HEXD: variants seen among roughly 807,000 people sequenced by gnomAD.
HEXD encodes the protein N-acetyl-beta-galactosaminidase.
HEXD carries 47 observed loss-of-function variants against 54.2 expected under a neutral mutation model. The observed-to-expected ratio is 0.87, with a 90% CI of 0.69 to 1.11. The LOEUF is 1.11. Ranked by LOEUF, HEXD falls within the 50% of genes least tolerant of loss-of-function variation. The probability of loss-of-function intolerance (pLI) is 0.00; values close to 1 mark genes in which losing one functional copy is unlikely to be tolerated. For missense variants in HEXD, 576 were observed against 649.2 expected (o/e 0.89, Z 1.23); for synonymous variants, 293 against 287.6 (o/e 1.02, Z -0.19).
At chr17:82,428,761 G>T (rs895929069) in intron 4 of HEXD, 116 bp downstream of exon 4, 1 of 816,050 alleles carries the variant, frequency 1.2e-6, no homozygotes, top group Admixed American at 1.9e-5. Flanking sequence ...GGTGCAGGCA[G>T]CGCAGCTCAG....
At chr17:82,420,533 TGA>T in intron 2 of HEXD, 1 of 152,414 alleles carries the variant, frequency 6.6e-6, no homozygotes, top group Non-Finnish European at 1.5e-5. Context: ...TCCAGAACTG[TGA>T]GAGAATAAAT....
chr17:82,440,584 C>A (rs1170327363), intron 9 of HEXD: 12 of 318,040 alleles, frequency 3.8e-5, no homozygotes, highest in Non-Finnish European at 6.0e-5. Flanking sequence ...GTCGGAGATT[C>A]GTCCACGCTG....
chr17:82,418,542 G>T lies in HEXD; in HGVS notation c.-250G>T. On this transcript the variant is annotated 5_prime_UTR_variant, in exon 1 of 13. Coordinates refer to ENST00000327949, the MANE Select transcript of HEXD (RefSeq NM_001330542.2). ...GCGGGCGCCAGGCCCGGGGACGAAC[G>T]CCGTAACAGGGAGCGCGAGGCAGGC... is the stretch of plus-strand genomic sequence containing the variant. 1.0e-6 allele frequency: 1 copy of T among 1,004,130 alleles called. No homozygotes were observed. Among genetic ancestry groups the T allele is most frequent in the Non-Finnish European group, 1.3e-6 (1 of 765,702 alleles). 62.2% of individuals were successfully genotyped at this position (1,004,130 alleles called of 1,614,324 possible). A position where few individuals can be genotyped will look rare whatever the true frequency, so the allele number is the denominator to read the frequency against.
intron 8 of HEXD, among the ~76,000 whole-genome samples, chr17:82,437,834 C>A (rs1490087498): frequency 6.6e-6 from 1 of 152,194 alleles, no homozygotes; most frequent in Non-Finnish European, 1.5e-5. Flanking sequence ...CCTCGGAAGG[C>A]CAGCATAGGC....
chr17:82,418,991 G>A (rs1323910041), intron 1 of HEXD, among the ~76,000 whole-genome samples: 1 of 152,230 alleles, frequency 6.6e-6, no homozygotes, highest in Non-Finnish European at 1.5e-5. Context: ...AGGGTCAGCA[G>A]CCTCCGAACC....
Position 82,419,870 on chromosome 17 carries a change from C to T in HEXD, c.71C>T (p.Ser24Leu), listed in dbSNP as rs550183935. 3.0e-5 allele frequency: 48 copies of T among 1,606,886 alleles called. No individual in the cohort carries two copies. The highest frequency in any genetic ancestry group is 3.5e-5 in the Non-Finnish European group (41 of 1,173,726). ...CTTAAAGGAGCTCCACCAAAGGTCT[C>T]GTACCTCTCAGAGGTAAGGACTCCC... ...LDLKGAPPKV[S>L]YLSEIFPLFR... is the part of the protein sequence containing the mutation. Residue 24 changes from serine (S) to leucine (L), a missense_variant, in exon 2 of 13, where the codon TCG becomes TTG. Ser to Leu is a moderately radical substitution (Grantham distance 145, BLOSUM62 -2). Transcript: ENST00000327949.
chr17:82,428,818 G>C (rs557031251), intron 4 of HEXD, among the ~76,000 whole-genome samples, 173 bp downstream of exon 4: 2 of 152,308 alleles, frequency 1.3e-5, no homozygotes, highest in African/African-American at 4.8e-5. Context: ...GCCTGACTCG[G>C]CCAGAGCTGC....
chr17:82,442,295 C>T lies in HEXD; in HGVS notation c.1372C>T (p.Leu458=), dbSNP rs2054012954. 1 of 1,608,722 alleles carries T rather than the reference C, an allele frequency of 6.2e-7. No homozygotes were observed. Among genetic ancestry groups the T allele is most frequent in the African/African-American group, 1.3e-5 (1 of 74,938 alleles). Residue 458 remains leucine (L), a synonymous_variant, in exon 13 of 13, where the codon CTG becomes TTG. Transcript: ENST00000327949. The surrounding 1 kb of genome is among the most constrained non-coding windows in gnomAD (Gnocchi z 6.8). ...AAACGTGCACCCCAGCCTGCAGCGG[C>T]TGCAAGCTCTGCTGCAGGACCTCAG... The part of the protein sequence containing the change: ...EENVHPSLQR[L]QALLQDLSEV...
rs1205492442 is a variant in HEXD, at chr17:82,442,347, C to G, written c.1424C>G (p.Pro475Arg). The G allele has an allele frequency of 6.2e-7, 1 of 1,611,116 alleles. No homozygotes were observed. Among genetic ancestry groups the G allele is most frequent in the East Asian group, 2.2e-5 (1 of 44,858 alleles). ...GAGGTGTCTGCCCCCCCGCTGCCAC[C>G]CACCAGCCCTGGCAGGGACGTTGCT... ...LSEVSAPPLP[P>R]TSPGRDVAQD... is the part of the protein sequence containing the mutation. Residue 475 changes from proline to arginine, a missense_variant, in exon 13 of 13, where the codon CCC (proline) becomes CGC (arginine). Pro to Arg is a moderately radical substitution (Grantham distance 103). Transcript: ENST00000327949. This position sits in a 1 kb window ranked among gnomAD's most constrained non-coding sequence, Gnocchi z 6.8.
Position 82,442,619 on chromosome 17 carries a change from G to A in HEXD, c.*235G>A. 1 of 1,539,920 alleles carries A rather than the reference G, an allele frequency of 6.5e-7. No homozygotes were observed. The highest frequency in any genetic ancestry group is 1.4e-5 in the African/African-American group (1 of 73,110). ...CTGCATGTGTGACACTGATTCTTTG[G>A]AAATAAAGAGTGGAAGCTGCAGGTG... On this transcript the variant is annotated 3_prime_UTR_variant, in exon 13 of 13. Coordinates refer to ENST00000327949, the MANE Select transcript of HEXD (RefSeq NM_001330542.2). The surrounding 1 kb of genome is among the most constrained non-coding windows in gnomAD (Gnocchi z 6.8).
At chr17:82,439,602 G>A (rs779992659) in intron 8 of HEXD, 29 bp from the exon 9 acceptor site, 52 of 1,514,990 alleles carry the variant, frequency 3.4e-5, no homozygotes, top group East Asian at 4.6e-5. Context: ...GGCGGGCTGC[G>A]GAGCTAAGCG....
In HEXD at chr17:82,442,599, T is replaced by C. The variant is rs2054030685; in HGVS notation, c.*215T>C. 6.4e-7 allele frequency: 1 copy of C among 1,556,676 alleles called. No homozygotes were observed. Among genetic ancestry groups the C allele is most frequent in the African/African-American group, 1.4e-5 (1 of 73,446 alleles). ...AGGGAGACCCGCTTTGTGATCTGCA[T>C]GTGTGACACTGATTCTTTGGAAATA... On this transcript the variant is annotated 3_prime_UTR_variant, in exon 13 of 13. Coordinates refer to ENST00000327949, the MANE Select transcript of HEXD (RefSeq NM_001330542.2). The surrounding 1 kb of genome is among the most constrained non-coding windows in gnomAD (Gnocchi z 6.8).
intron 3 of HEXD, chr17:82,425,792 ACC>A (rs1490182621): frequency 2.0e-5 from 3 of 152,134 alleles, no homozygotes; most frequent in Non-Finnish European, 4.4e-5. Flanking sequence ...ACATGGTAAA[ACC>A]CCATCTCTAT....
At chr17:82,440,078 G>T in intron 9 of HEXD, 1 of 1,295,480 alleles carries the variant, frequency 7.7e-7, no homozygotes, top group Non-Finnish European at 1.0e-6. Context: ...CCCGGCCCTG[G>T]AAGGCCCCGC....
intron 9 of HEXD, chr17:82,440,134 C>T (rs892943409): frequency 1.2e-5 from 16 of 1,293,572 alleles, no homozygotes; most frequent in African/African-American, 1.1e-4. Context: ...GAGGGAGCAG[C>T]GGGACCCATG....
Position 82,437,339 on chromosome 17 carries a change from G to A in HEXD, c.875G>A (p.Gly292Asp), listed in dbSNP as rs1357922593. The A allele has an allele frequency of 3.7e-6, 6 of 1,606,144 alleles. No individual in the cohort carries two copies. Among genetic ancestry groups the A allele is most frequent in the Non-Finnish European group, 5.1e-6 (6 of 1,176,400 alleles). ...AGSGPTDSLQGIILTGWQRYD... is the reference protein window; with the variant it reads ...AGSGPTDSLQDIILTGWQRYD... ...AGCGGGCCCACGGACTCACTGCAGGGCATCATCCTGACCGGCTGGCAGAGG... is the reference window on the plus strand; with the variant it reads ...AGCGGGCCCACGGACTCACTGCAGGACATCATCCTGACCGGCTGGCAGAGG... Residue 292 changes from glycine to aspartate, a missense_variant, in exon 8 of 13, where the codon GGC becomes GAC. By Grantham distance (94) the Gly-to-Asp change is moderately conservative (BLOSUM62 -1). Coordinates refer to ENST00000327949, the MANE Select transcript of HEXD (RefSeq NM_001330542.2).
At chr17:82,424,554 G>C (rs572374490) in intron 3 of HEXD, 51 bp downstream of exon 3, 6 of 1,369,896 alleles carry the variant, frequency 4.4e-6, no homozygotes, top group Middle Eastern at 1.8e-4. Context: ...GCGGGGAAGG[G>C]GGGGTTCCGC....
At chr17:82,435,609 CAG>C in intron 5 of HEXD, 78 bp from the exon 6 acceptor site, 1 of 1,436,988 alleles carries the variant, frequency 7.0e-7, no homozygotes, top group Non-Finnish European at 9.5e-7. Flanking sequence ...CCCTCTCCGT[CAG>C]GGCACGGCGT....
At chr17:82,439,583 G>T (rs2053868478) in intron 8 of HEXD, 48 bp from the exon 9 acceptor site, 4 of 1,505,720 alleles carry the variant, frequency 2.7e-6, no homozygotes, top group Non-Finnish European at 3.5e-6. Flanking sequence ...CCTGCGTCAG[G>T]CTGCTGGGGG....
Sources: gnomAD v4.1 joint callset for allele counts (sites outside exome capture counted in the v4.1 genomes callset) on GRCh38, gnomAD v4.1.1 for gene constraint, Gnocchi (gnomAD v3.1) non-coding constraint, MANE v1.5 for transcripts, NCBI Gene and HGNC (gene_info 2026-07-23, HGNC 2026-07-21) for gene names.